The following ATP8A2 variants were observed in gnomAD, a reference collection of about 807,000 sequenced individuals.
ATP8A2 encodes the protein ATPase phospholipid transporting 8A2, also known as phospholipid-transporting ATPase IB.
ATP8A2 carries 100 observed loss-of-function variants against 165.6 expected under a neutral mutation model. The ratio of observed to expected loss-of-function variants is 0.60; its 90% CI spans 0.51 to 0.71. The LOEUF (loss-of-function observed/expected upper bound fraction) is 0.71. ATP8A2 is among the 30% of genes least tolerant of loss of function. The pLI is 0.00. For synonymous variants in ATP8A2, 543 were observed against 548.8 expected, an observed-to-expected ratio of 0.99 and a Z score of 0.15; for missense variants, 1,227 against 1,479.5, an observed-to-expected ratio of 0.83 and a Z score of 2.80.
chr13:25,786,492 T>C (rs1366833741), intron 27 of ATP8A2, among the ~76,000 whole-genome samples: 7 of 152,200 alleles, frequency 4.6e-5, no homozygotes, highest in Admixed American at 2.0e-4. Context: ...CCAGGAATTA[T>C]AGGATGAAGT....
chr13:25,755,773 G>T (rs1484740224), intron 25 of ATP8A2, among the ~76,000 whole-genome samples: 2 of 152,052 alleles, frequency 1.3e-5, no homozygotes, highest in African/African-American at 4.8e-5. Flanking sequence ...TGGGCATGGT[G>T]GCGGGCATGT....
intron 33 of ATP8A2, among the ~76,000 whole-genome samples, chr13:25,902,107 A>T (rs976572083): frequency 6.6e-6 from 1 of 152,226 alleles, no homozygotes; most frequent in Non-Finnish European, 1.5e-5. Flanking sequence ...TATGGGGTTT[A>T]AAAAGGACAA....
intron 25 of ATP8A2, among the ~76,000 whole-genome samples, chr13:25,731,105 A>G (rs74876146): frequency 0.023 from 3,260 of 139,654 alleles, 166 homozygotes; most frequent in African/African-American, 0.081. Flanking sequence ...AGAAAGAGAG[A>G]GAGAGGGAAA....
At chr13:25,451,437 A>T (rs1365715350) in intron 1 of ATP8A2, among the ~76,000 whole-genome samples, 1 of 152,026 alleles carries the variant, frequency 6.6e-6, no homozygotes, top group Non-Finnish European at 1.5e-5. Flanking sequence ...CTATTGTTTG[A>T]TATCAGAAAA....
intron 24 of ATP8A2, among the ~76,000 whole-genome samples, chr13:25,655,561 C>T (rs2041910009): frequency 6.6e-6 from 1 of 152,084 alleles, no homozygotes; most frequent in Non-Finnish European, 1.5e-5. Flanking sequence ...ACAAGATGCT[C>T]CCTCAACTGT....
chr13:25,708,751 G>T (rs771304118), intron 25 of ATP8A2, among the ~76,000 whole-genome samples: 1 of 152,122 alleles, frequency 6.6e-6, no homozygotes, highest in Non-Finnish European at 1.5e-5. Flanking sequence ...TTTCTTACTC[G>T]TTGAACTTTA....
intron 35 of ATP8A2, among the ~76,000 whole-genome samples, chr13:25,996,830 C>A (rs891786269): frequency 6.6e-6 from 1 of 152,200 alleles, no homozygotes; most frequent in Non-Finnish European, 1.5e-5. Flanking sequence ...ATTATAGGCA[C>A]CTGCCAACAC....
chr13:25,781,264 G>A (rs528982486), intron 27 of ATP8A2, among the ~76,000 whole-genome samples: 22 of 151,510 alleles, frequency 1.5e-4, no homozygotes, highest in African/African-American at 5.3e-4. Context: ...GTGAGACTGC[G>A]TCTCAAAAAA....
intron 33 of ATP8A2, among the ~76,000 whole-genome samples, chr13:25,901,401 T>C (rs1378503725): frequency 1.3e-5 from 2 of 150,646 alleles, no homozygotes; most frequent in East Asian, 3.9e-4. Flanking sequence ...TTTATGTTTA[T>C]GTGAAAGAAA....
intron 2 of ATP8A2, among the ~76,000 whole-genome samples, chr13:25,480,273 G>T (rs866514033): frequency 5.0e-4 from 76 of 151,340 alleles, no homozygotes; most frequent in African/African-American, 1.6e-3. Context: ...CCTCCCGGAC[G>T]GGGCGGCTGG....
intron 25 of ATP8A2, among the ~76,000 whole-genome samples, chr13:25,768,096 G>A (rs1246558710): frequency 1.5e-5 from 2 of 132,534 alleles, no homozygotes; most frequent in Non-Finnish European, 3.2e-5. Flanking sequence ...GTGGTGGGGG[G>A]GCAAGTGCTG....
chr13:25,543,885 CTGTT>C (rs1057409583), intron 10 of ATP8A2, among the ~76,000 whole-genome samples: 13 of 152,132 alleles, frequency 8.5e-5, no homozygotes, highest in Admixed American at 7.9e-4. Flanking sequence ...TTTTAAAAAA[CTGTT>C]TGTGAATTTA....
At chr13:25,867,528 G>A (rs1952542367) in intron 33 of ATP8A2, among the ~76,000 whole-genome samples, 1 of 152,136 alleles carries the variant, frequency 6.6e-6, no homozygotes, top group African/African-American at 2.4e-5. Context: ...TTGTTTTCAG[G>A]TTAAGGTCTG....
intron 1 of ATP8A2, among the ~76,000 whole-genome samples, chr13:25,435,311 G>A (rs923724212): frequency 6.6e-6 from 1 of 151,904 alleles, no homozygotes; most frequent in Non-Finnish European, 1.5e-5. Flanking sequence ...AGTAGAGACG[G>A]GGTTTCACCA....
intron 27 of ATP8A2, among the ~76,000 whole-genome samples, chr13:25,803,693 C>T (rs1159325249): frequency 9.9e-5 from 15 of 152,190 alleles, no homozygotes; most frequent in Admixed American, 9.8e-4. Flanking sequence ...CAGATGTTAC[C>T]ATTACCTGAA....
At chr13:25,985,421 T>C (rs1434223201) in intron 35 of ATP8A2, among the ~76,000 whole-genome samples, 1 of 152,188 alleles carries the variant, frequency 6.6e-6, no homozygotes, top group South Asian at 2.1e-4. Context: ...GGGCCAGTGG[T>C]TCTTAAAGAA....
intron 30 of ATP8A2, among the ~76,000 whole-genome samples, chr13:25,851,249 G>T (rs569341338): frequency 1.6e-4 from 24 of 152,230 alleles, no homozygotes; most frequent in African/African-American, 5.1e-4. Flanking sequence ...GCATTTTATT[G>T]AATGCCAGTA....
chr13:25,867,931 A>G (rs1952561038), intron 33 of ATP8A2: 1 of 225,108 alleles, frequency 4.4e-6, no homozygotes, highest in South Asian at 5.0e-5. Flanking sequence ...TTATTGTTTT[A>G]TTACTTTTTA....
intron 33 of ATP8A2, among the ~76,000 whole-genome samples, chr13:25,961,181 G>T (rs566357736): frequency 6.6e-6 from 1 of 152,150 alleles, no homozygotes; most frequent in African/African-American, 2.4e-5. Flanking sequence ...ATGAATGAAC[G>T]GGCATTGAGA....
Sources: allele counts gnomAD v4.1 joint callset (sites outside exome capture counted in the v4.1 genomes callset), GRCh38; gene constraint gnomAD v4.1.1; transcripts MANE v1.5; gene names NCBI Gene and HGNC (gene_info 2026-07-23, HGNC 2026-07-21).